ILDR2: variants seen among roughly 807,000 people sequenced by gnomAD.
The protein encoded by ILDR2 is immunoglobulin-like domain-containing receptor 2.
Under a neutral mutation model 66.8 loss-of-function variants are expected in ILDR2, and 25 were observed. The observed-to-expected ratio is 0.37, with a 90% confidence interval of 0.27 to 0.52. ILDR2 has a LOEUF of 0.52. ILDR2 is among the 20% of genes least tolerant of loss of function. The probability of loss-of-function intolerance (pLI) is 0.88; values close to 1 mark genes in which losing one functional copy is unlikely to be tolerated. For missense variants in ILDR2, 827 were observed against 876.8 expected, an observed-to-expected ratio of 0.94 and a Z score of 0.72; for synonymous variants, 367 against 357.2, an observed-to-expected ratio of 1.03 and a Z score of -0.31.
intron 7 of ILDR2, among the ~76,000 whole-genome samples, chr1:166,926,863 A>G (rs1216869214): frequency 6.6e-6 from 1 of 151,956 alleles, no homozygotes; most frequent in African/African-American, 2.4e-5. Context: ...CCAAGATGCT[A>G]CCGAATTGCT....
intron 2 of ILDR2, among the ~76,000 whole-genome samples, chr1:166,897,009 T>C (rs1337407208): frequency 6.6e-6 from 1 of 152,234 alleles, no homozygotes; most frequent in African/African-American, 2.4e-5. Context: ...TATGTTTCTA[T>C]TGCACATTGC....
rs1485885577 is a variant in ILDR2, at chr1:166,920,638, A to G, written c.1884+69T>C. On this transcript the variant is annotated intron_variant, in intron 9 of 9. Coordinates refer to ENST00000271417, the MANE Select transcript of ILDR2 (RefSeq NM_199351.3). Reference sequence around the variant, plus strand: ...CCACCTCCCCGGCCCCCAGACAGCGACACTGCTCGCCCTGCCTGGAGGCTC... The same window carrying G: ...CCACCTCCCCGGCCCCCAGACAGCGGCACTGCTCGCCCTGCCTGGAGGCTC... 8 of 1,326,176 alleles carry G rather than the reference A, an allele frequency of 6.0e-6. No homozygotes were observed. In the African/African-American group the frequency reaches 9.3e-5, roughly 15 times the overall value. 82.2% of individuals were successfully genotyped at this position (1,326,176 alleles called of 1,614,324 possible).
At chr1:166,900,905 G>T (rs1659253246) in intron 2 of ILDR2, among the ~76,000 whole-genome samples, 1 of 152,116 alleles carries the variant, frequency 6.6e-6, no homozygotes, top group Admixed American at 6.5e-5. Flanking sequence ...ATGAAAAATT[G>T]CTTGCTTTGG....
intron 6 of ILDR2, among the ~76,000 whole-genome samples, chr1:166,929,020 A>G (rs1284599637): frequency 3.3e-5 from 5 of 152,216 alleles, no homozygotes; most frequent in Admixed American, 3.3e-4. Flanking sequence ...ATTATCCCAC[A>G]GAACTGCTAT....
At position 166,943,895 on chromosome 1, in the gene ILDR2, T is replaced by C. The variant is rs888267604; in HGVS notation, c.500-4325A>G. On this transcript the variant is annotated intron_variant, in intron 3 of 9. Coordinates refer to ENST00000271417, the MANE Select transcript of ILDR2 (RefSeq NM_199351.3). ...TGCAAATAGAAGGCCACATTTACTC[T>C]TTTCAAACCACAGCTCAAACTATCA... The C allele has an allele frequency of 3.2e-6, 3 of 946,172 alleles. No homozygotes were observed. In the African/African-American group the frequency reaches 5.3e-5, roughly 17 times the overall value. 58.6% of individuals were successfully genotyped at this position (946,172 alleles called of 1,614,324 possible).
intron 6 of ILDR2, among the ~76,000 whole-genome samples, chr1:166,927,935 C>T (rs1009348184): frequency 6.6e-6 from 1 of 152,186 alleles, no homozygotes; most frequent in Non-Finnish European, 1.5e-5. Context: ...GGAGAGAGAA[C>T]ATCTCCTACA....
In ILDR2 at chr1:166,918,496, C is replaced by T. The variant is rs1471342161; in HGVS notation, c.*859G>A. 1.3e-5 allele frequency: 2 copies of T among 152,188 alleles called. No homozygotes were observed. The highest frequency in any genetic ancestry group is 2.9e-5 in the Non-Finnish European group (2 of 68,062). 9.4% of individuals were successfully genotyped at this position (152,188 alleles called of 1,614,324 possible). A position where few individuals can be genotyped will look rare whatever the true frequency, so the allele number is the denominator to read the frequency against. ...ATGTGTATATTTTAAGCATTTATCA[C>T]AAGGCATTCAATGACAATCTAATCA... On this transcript the variant is annotated 3_prime_UTR_variant, in exon 10 of 10. Transcript: ENST00000271417.
chr1:166,898,543 G>C (rs1659207963), intron 2 of ILDR2, among the ~76,000 whole-genome samples: 1 of 152,148 alleles, frequency 6.6e-6, no homozygotes, highest in African/African-American at 2.4e-5. Flanking sequence ...TCCCTACCTG[G>C]TGTGTAATGT....
At chr1:166,939,092 G>T (rs1277709316) in intron 4 of ILDR2, among the ~76,000 whole-genome samples, 2 of 152,174 alleles carry the variant, frequency 1.3e-5, no homozygotes, top group African/African-American at 4.8e-5. Flanking sequence ...AAAAAAGTTT[G>T]ATGATGTTAT....
At chr1:166,958,835 C>T (rs763258742) in intron 1 of ILDR2, among the ~76,000 whole-genome samples, 2 of 152,188 alleles carry the variant, frequency 1.3e-5, no homozygotes, top group Non-Finnish European at 1.5e-5. Context: ...ACATCCAGTA[C>T]ACTCTTCTTG....
rs1343264922 is a variant in ILDR2 at position 166,919,097 on chromosome 1, A to G, written c.*258T>C. On this transcript the variant is annotated 3_prime_UTR_variant, in exon 10 of 10. Transcript: ENST00000271417. ...GGAGGCTGGGCAGGATAAACGCTAT[A>G]GTTGAGAAACTCTGTATGTAGGAAT... 4 of 515,108 alleles carry G rather than the reference A, an allele frequency of 7.8e-6. No homozygotes were observed. In the East Asian group the frequency reaches 1.2e-4, roughly 15 times the overall value. The allele number at this position is 515,108 out of a possible 1,614,324, so 31.9% of individuals were successfully genotyped here. A position where few individuals can be genotyped will look rare whatever the true frequency, so the allele number is the denominator to read the frequency against.
Position 166,922,705 on chromosome 1 carries a change from A to G in ILDR2, c.1099T>C (p.Leu367=). ...RSKQFPVSGD[L]ESNPDYWSGV... is the part of the protein sequence containing the mutation. ...GACCAATAGTCAGGATTGCTCTCCA[A>G]GTCCCCAGACACAGGGAACTGCTTG... Residue 367 remains leucine, a synonymous_variant, in exon 8 of 10, where the codon TTG becomes CTG. Coordinates refer to ENST00000271417, the MANE Select transcript of ILDR2 (RefSeq NM_199351.3). 6.2e-7 allele frequency: 1 copy of G among 1,614,186 alleles called. No homozygotes were observed. The highest frequency in any genetic ancestry group is 1.7e-5 in the Admixed American group (1 of 60,028).
At chr1:166,965,320 CAT>C (rs2102010902) in intron 1 of ILDR2, among the ~76,000 whole-genome samples, 1 of 152,146 alleles carries the variant, frequency 6.6e-6, no homozygotes, top group Admixed American at 6.5e-5. Flanking sequence ...ATTTATGTTT[CAT>C]ATATACTTTA....
At position 166,917,561 on chromosome 1, in the gene ILDR2, G is replaced by C. The variant is rs1659690651; in HGVS notation, c.*1794C>G. 6.6e-6 allele frequency: 1 copy of C among 152,186 alleles called. No individual in the cohort carries two copies. The allele number at this position is 152,186 out of a possible 1,614,324, so 9.4% of individuals were successfully genotyped here. ...TTATCCTCCACTCCACAAGAGTGCAGGGTGAAAAGCTTTGATAAAAATTTG... is the reference window on the plus strand; with the variant it reads ...TTATCCTCCACTCCACAAGAGTGCACGGTGAAAAGCTTTGATAAAAATTTG... On this transcript the variant is annotated 3_prime_UTR_variant, in exon 10 of 10. Transcript: ENST00000271417.
At chr1:166,907,196 A>G (rs983484795), downstream of ILDR2, 2 of 152,042 alleles carry the variant, frequency 1.3e-5, no homozygotes, top group Admixed American at 6.5e-5. Context: ...GAGAGAGAGA[A>G]AAAAAAATGT....
At chr1:166,960,805 T>G (rs1216955442) in intron 1 of ILDR2, among the ~76,000 whole-genome samples, 1 of 152,222 alleles carries the variant, frequency 6.6e-6, no homozygotes, top group Non-Finnish European at 1.5e-5. Context: ...GCTAATTCCA[T>G]TCTCCCTCAC....
chr1:166,969,116 GCAA>G (rs370582288), intron 1 of ILDR2, among the ~76,000 whole-genome samples: 1 of 151,930 alleles, frequency 6.6e-6, no homozygotes, highest in African/African-American at 2.4e-5. Flanking sequence ...CATTATTAAA[GCAA>G]CAACAACAAC....
At chr1:166,901,899 G>T (rs1019730981) in intron 2 of ILDR2, among the ~76,000 whole-genome samples, 1 of 152,300 alleles carries the variant, frequency 6.6e-6, no homozygotes, top group Non-Finnish European at 1.5e-5. Context: ...GTGCCAGAGA[G>T]ATTTTAGCTG....
intron 3 of ILDR2, among the ~76,000 whole-genome samples, chr1:166,955,217 A>T (rs960278468): frequency 6.6e-6 from 1 of 152,178 alleles, no homozygotes; most frequent in South Asian, 2.1e-4. Flanking sequence ...TACAAGTCAC[A>T]AGTTACACTT....
Sources: gnomAD v4.1 joint callset for allele counts (sites outside exome capture counted in the v4.1 genomes callset) on GRCh38, gnomAD v4.1.1 for gene constraint, MANE v1.5 for transcripts, NCBI Gene and HGNC (gene_info 2026-07-23, HGNC 2026-07-21) for gene names.